Variants in EFCAB6 observed in about 807,000 individuals in gnomAD.
The protein encoded by EFCAB6 is EF-hand calcium binding domain 6.
EFCAB6 carries 156 observed loss-of-function variants against 169.8 expected under a neutral mutation model. The observed-to-expected ratio is 0.92, with a 90% CI of 0.81 to 1.05. The LOEUF (loss-of-function observed/expected upper bound fraction) is 1.05. Among genes scored for constraint, EFCAB6 ranks in the 50% least tolerant of loss-of-function variants. The probability of loss-of-function intolerance (pLI) is 0.00; values close to 1 mark genes in which losing one functional copy is unlikely to be tolerated. For missense variants in EFCAB6, 1,800 were observed against 1,829.1 expected (o/e 0.98, Z 0.29); for synonymous variants, 698 against 676.4 (o/e 1.03, Z -0.50).
intron 6 of EFCAB6, among the ~76,000 whole-genome samples, chr22:43,739,197 C>T (rs1187430700): frequency 2.0e-5 from 3 of 152,242 alleles, no homozygotes; most frequent in African/African-American, 7.2e-5. Flanking sequence ...GTCAGCATGA[C>T]CAAAGACTTC....
chr22:43,610,645 T>C (rs2053238224), intron 21 of EFCAB6, among the ~76,000 whole-genome samples: 1 of 152,246 alleles, frequency 6.6e-6, no homozygotes, highest in South Asian at 2.1e-4. Flanking sequence ...TTCCTTCACC[T>C]GAATGGTGGT....
Position 43,667,290 on chromosome 22 carries a change from CATTTA to C in EFCAB6, c.1815-23_1815-19del. 1 of 1,610,012 alleles carries C rather than the reference CATTTA, an allele frequency of 6.2e-7. No homozygotes were observed. Among genetic ancestry groups the C allele is most frequent in the Non-Finnish European group, 8.5e-7 (1 of 1,177,378 alleles). ...GCTTGGTTCTAAAATCACAAGCAGG[CATTTA>C]GACCCAGTGTCAACTGACACACGCA... On this transcript the variant is annotated intron_variant, in intron 16 of 31. Transcript: ENST00000262726.
At chr22:43,720,089 T>C (rs529274000) in intron 8 of EFCAB6, among the ~76,000 whole-genome samples, 13 of 152,284 alleles carry the variant, frequency 8.5e-5, no homozygotes, top group Admixed American at 2.6e-4. Flanking sequence ...CATTTCACAA[T>C]GTATATGTAC....
chr22:43,721,352 CTCT>C (rs2059519057), intron 8 of EFCAB6, among the ~76,000 whole-genome samples: 1 of 152,124 alleles, frequency 6.6e-6, no homozygotes, highest in Non-Finnish European at 1.5e-5. Flanking sequence ...ATCAATGTCA[CTCT>C]TCAAGAATTA....
chr22:43,682,123 C>T lies in EFCAB6; in HGVS notation c.1251+1624G>A, dbSNP rs138866079. 2.4e-3 allele frequency among the ~76,000 whole-genome samples: 372 copies of T among 152,274 alleles called. 4 individuals are homozygous for T. The highest frequency in any genetic ancestry group is 8.6e-3 in the African/African-American group (357 of 41,556). On this transcript the variant is annotated intron_variant, in intron 12 of 31. Transcript: ENST00000262726. ...ACCCTTATTCTCCTTCTTACCTAGT[C>T]CCCTCCGTAGTGGGGTGCATGGTGG...
chr22:43,631,144 C>T (rs1305916640), intron 19 of EFCAB6, among the ~76,000 whole-genome samples: 1 of 151,720 alleles, frequency 6.6e-6, no homozygotes, highest in Admixed American at 6.6e-5. Flanking sequence ...CTCGCCCGTC[C>T]CTTCCCTTCT....
chr22:43,600,915 G>A (rs1032265871), intron 22 of EFCAB6, among the ~76,000 whole-genome samples: 4 of 152,192 alleles, frequency 2.6e-5, no homozygotes, highest in South Asian at 2.1e-4. Context: ...CGCCGGCTTC[G>A]GCCTCCCAAA....
At chr22:43,736,581 G>A (rs5764258) in intron 6 of EFCAB6, among the ~76,000 whole-genome samples, 132,428 of 150,642 alleles carry the variant, frequency 0.88, 58,242 homozygotes, top group East Asian at 0.99. Flanking sequence ...AGACGCACAC[G>A]ACATTAGGAT....
intron 10 of EFCAB6, among the ~76,000 whole-genome samples, 155 bp from the exon 11 acceptor site, chr22:43,687,736 C>CTACAAATTGATTTTTTAAAGCAA (rs2058258884): frequency 6.6e-6 from 1 of 152,210 alleles, no homozygotes; most frequent in Admixed American, 6.5e-5. Context: ...TAAAATAGTA[C>CTACAAATTGATTTTTTAAAGCAA]TACAAATTGA....
Position 43,554,871 on chromosome 22 carries a change from G to A in EFCAB6, c.3646C>T (p.Gln1216Ter). 6.2e-7 allele frequency: 1 copy of A among 1,614,108 alleles called. No individual in the cohort carries two copies. The highest frequency in any genetic ancestry group is 8.5e-7 in the Non-Finnish European group (1 of 1,179,964). Residue 1216 changes from glutamine (Q) to a stop codon, truncating the protein, a stop_gained and splice_region_variant, in exon 27 of 32, where the codon CAG becomes TAG. Transcript: ENST00000262726. LOFTEE classifies it high-confidence loss of function. The part of the protein sequence containing the change: ...NRRVQILTDE[Q>*]FDRLWNEMPV... Reference sequence around the variant, plus strand: ...GAGGACTGACTGGCGTTTCTTACCTGTTCGTCCGTCAGGATTTGGACGCGG... The same window carrying A: ...GAGGACTGACTGGCGTTTCTTACCTATTCGTCCGTCAGGATTTGGACGCGG...
At chr22:43,623,352 G>C (rs1325876706) in intron 20 of EFCAB6, among the ~76,000 whole-genome samples, 4 of 152,124 alleles carry the variant, frequency 2.6e-5, no homozygotes, top group African/African-American at 9.7e-5. Flanking sequence ...TTTTAAACAA[G>C]GACTGGAAGG....
intron 10 of EFCAB6, among the ~76,000 whole-genome samples, chr22:43,699,488 G>A (rs536924680): frequency 1.3e-5 from 2 of 152,174 alleles, no homozygotes; most frequent in East Asian, 3.9e-4. Flanking sequence ...ACCTGCCTTC[G>A]CTTGGGTAAA....
At chr22:43,765,789 G>C (rs2147931747) in intron 4 of EFCAB6, among the ~76,000 whole-genome samples, 1 of 152,132 alleles carries the variant, frequency 6.6e-6, no homozygotes, top group Non-Finnish European at 1.5e-5. Flanking sequence ...ACACGAGTTT[G>C]TACATACAGT....
intron 2 of EFCAB6, among the ~76,000 whole-genome samples, chr22:43,805,037 A>G (rs772117833): frequency 6.6e-6 from 1 of 152,262 alleles, no homozygotes; most frequent in Non-Finnish European, 1.5e-5. Context: ...ATGCAAAGTC[A>G]ACATTCAAAA....
intron 2 of EFCAB6, among the ~76,000 whole-genome samples, chr22:43,785,651 A>C (rs758828418): frequency 6.6e-5 from 10 of 152,190 alleles, no homozygotes; most frequent in Non-Finnish European, 1.5e-4. Flanking sequence ...GAAGAAAACA[A>C]TAAAGATTGG....
At chr22:43,629,904 A>T (rs1345094949) in intron 19 of EFCAB6, among the ~76,000 whole-genome samples, 1 of 152,210 alleles carries the variant, frequency 6.6e-6, no homozygotes, top group African/African-American at 2.4e-5. Context: ...TGCGAGGGCC[A>T]GGAGTCCAAG....
At chr22:43,666,913 A>G (rs1382344376) in intron 17 of EFCAB6, among the ~76,000 whole-genome samples, 191 bp downstream of exon 17, 1 of 151,982 alleles carries the variant, frequency 6.6e-6, no homozygotes, top group Admixed American at 6.6e-5. Flanking sequence ...ATCCATATTG[A>G]AAGTATTCTC....
At position 43,711,238 on chromosome 22, in the gene EFCAB6, G is replaced by T. The variant is rs1032588037; in HGVS notation, c.1031+237C>A. 7.9e-5 allele frequency among the ~76,000 whole-genome samples: 12 copies of T among 152,152 alleles called. 1 individual carries two copies. Among genetic ancestry groups the T allele is most frequent in the Non-Finnish European group, 1.8e-4 (12 of 68,014 alleles). On this transcript the variant is annotated intron_variant, in intron 10 of 31. Coordinates refer to ENST00000262726, the MANE Select transcript of EFCAB6 (RefSeq NM_022785.4). ...GGTATTTGTTTCAGAAATATCTGGG[G>T]TTGAAGAACATGAGCAGGAATACAA...
chr22:43,642,484 C>T (rs2055868234), intron 17 of EFCAB6, among the ~76,000 whole-genome samples: 1 of 152,082 alleles, frequency 6.6e-6, no homozygotes, highest in African/African-American at 2.4e-5. Context: ...CTTCCAGCTC[C>T]TCCCCCACCT....
Sources: allele counts gnomAD v4.1 joint callset (sites outside exome capture counted in the v4.1 genomes callset), GRCh38; gene constraint gnomAD v4.1.1; transcripts MANE v1.5; gene names NCBI Gene and HGNC (gene_info 2026-07-23, HGNC 2026-07-21).